PRKAR1B: variants seen among roughly 807,000 people sequenced by gnomAD.
The protein encoded by PRKAR1B is protein kinase cAMP-dependent type I regulatory subunit beta, also known as cAMP-dependent protein kinase type I-beta regulatory subunit.
A neutral mutation model predicts 46.5 loss-of-function variants in PRKAR1B; 22 were observed. That is an observed-to-expected ratio of 0.47 (90% CI 0.34 to 0.68). PRKAR1B has a LOEUF of 0.68. PRKAR1B is among the 30% of genes least tolerant of loss of function. The pLI, the probability that PRKAR1B is intolerant of heterozygous loss-of-function variation, is 0.01. For missense variants in PRKAR1B, 445 were observed against 535.6 expected, an observed-to-expected ratio of 0.83 and a Z score of 1.67; for synonymous variants, 259 against 217.7, an observed-to-expected ratio of 1.19 and a Z score of -1.67.
intron 9 of PRKAR1B, among the ~76,000 whole-genome samples, chr7:554,422 A>G (rs2128420427): frequency 6.6e-6 from 1 of 152,290 alleles, no homozygotes; most frequent in East Asian, 1.9e-4. Flanking sequence ...AGCTGGGATT[A>G]TTTTCCTCTC....
intron 9 of PRKAR1B, chr7:565,480 T>G (rs1038703309): frequency 1.3e-5 from 2 of 152,204 alleles, no homozygotes; most frequent in African/African-American, 4.8e-5. Context: ...CCGCACCAGC[T>G]CCTTGGACAC....
upstream of PRKAR1B, among the ~76,000 whole-genome samples, chr7:727,812 C>G (rs1781409135): frequency 6.7e-6 from 1 of 148,196 alleles, no homozygotes; most frequent in South Asian, 2.2e-4. Flanking sequence ...ACCCTCCTCC[C>G]TGCCTGAGCC....
At chr7:564,560 C>G (rs917399068) in intron 9 of PRKAR1B, among the ~76,000 whole-genome samples, 1 of 152,224 alleles carries the variant, frequency 6.6e-6, no homozygotes, top group Non-Finnish European at 1.5e-5. Flanking sequence ...GCATTCAGGC[C>G]CTCGACTCCA....
rs574416959 is a variant in PRKAR1B at position 578,007 on chromosome 7, G to A, written c.891+1249C>T. On this transcript the variant is annotated intron_variant, in intron 9 of 10. Coordinates refer to ENST00000537384, the MANE Select transcript of PRKAR1B (RefSeq NM_001164760.2). ...CTGGTTAAGGGTGGTAATTTTCCGG[G>A]TCATCAGACCACATTGCCATGGAAA... is the stretch of plus-strand genomic sequence containing the variant. 5.5e-4 allele frequency among the ~76,000 whole-genome samples: 84 copies of A among 152,358 alleles called. 1 individual carries two copies. Among genetic ancestry groups the A allele is most frequent in the African/African-American group, 1.9e-3 (77 of 41,570 alleles).
At chr7:660,795 A>G (rs1440087272) in intron 4 of PRKAR1B, among the ~76,000 whole-genome samples, 6 of 73,138 alleles carry the variant, frequency 8.2e-5, no homozygotes, top group Admixed American at 1.4e-4. Flanking sequence ...ACCCCAACAG[A>G]TGCAAATACC....
chr7:612,396 A>AATG, intron 4 of PRKAR1B, among the ~76,000 whole-genome samples: 1 of 140,724 alleles, frequency 7.1e-6, no homozygotes, highest in Non-Finnish European at 1.5e-5. Flanking sequence ...GTGGATGGAT[A>AATG]GATGGATGGA....
At chr7:601,093 T>C (rs1369523670) in intron 6 of PRKAR1B, among the ~76,000 whole-genome samples, 4 of 152,146 alleles carry the variant, frequency 2.6e-5, no homozygotes, top group African/African-American at 9.7e-5. Context: ...TCTGCTGGCT[T>C]AAAGGGCCAG....
At position 550,485 on chromosome 7, in the gene PRKAR1B, T is replaced by C; in HGVS notation, c.1091A>G (p.Glu364Gly). Residue 364 changes from glutamate (E) to glycine (G), a missense_variant, in exon 11 of 11, where the codon GAG (glutamate) becomes GGG (glycine). Around this residue, in one of 5 missense-constraint regions of PRKAR1B, gnomAD observed 127 missense variants for 138.0 expected, o/e 0.92. Coordinates refer to ENST00000537384, the MANE Select transcript of PRKAR1B (RefSeq NM_001164760.2). ...RFERVLGPCS[E>G]ILKRNIQRYN... is the part of the protein sequence containing the mutation. ...ACGCTGAATGTTCCTCTTGAGGATC[T>C]CAGAGCAGGGCCCCAGCACACGCTC... 6.3e-7 allele frequency: 1 copy of C among 1,598,996 alleles called. No homozygotes were observed. Among genetic ancestry groups the C allele is most frequent in the Non-Finnish European group, 8.5e-7 (1 of 1,173,368 alleles).
At chr7:592,077 G>A (rs1781006960) in intron 7 of PRKAR1B, among the ~76,000 whole-genome samples, 1 of 152,150 alleles carries the variant, frequency 6.6e-6, no homozygotes, top group African/African-American at 2.4e-5. Context: ...CTCCCACCAG[G>A]GCCTCCGTGA....
chr7:677,747 A>G (rs996354314), intron 3 of PRKAR1B, among the ~76,000 whole-genome samples: 11 of 152,188 alleles, frequency 7.2e-5, no homozygotes, highest in African/African-American at 2.4e-4. Flanking sequence ...TTTGAAATGC[A>G]GTCACGTGTC....
intron 9 of PRKAR1B, among the ~76,000 whole-genome samples, chr7:569,246 T>C (rs1779357496): frequency 6.6e-6 from 1 of 152,152 alleles, no homozygotes; most frequent in Non-Finnish European, 1.5e-5. Context: ...ACCCTGAGCG[T>C]GAGCTGACCA....
At chr7:643,110 C>A (rs1784470414) in intron 4 of PRKAR1B, among the ~76,000 whole-genome samples, 1 of 151,602 alleles carries the variant, frequency 6.6e-6, no homozygotes, top group Admixed American at 6.6e-5. Context: ...GCTATAATTA[C>A]CTTGAAAATA....
At chr7:633,747 G>C (rs972983548) in intron 4 of PRKAR1B, among the ~76,000 whole-genome samples, 3 of 152,052 alleles carry the variant, frequency 2.0e-5, no homozygotes, top group Non-Finnish European at 4.4e-5. Flanking sequence ...GTGATTTAAA[G>C]GAGCTGCCCA....
At chr7:629,148 C>A (rs573938252) in intron 4 of PRKAR1B, among the ~76,000 whole-genome samples, 1 of 152,362 alleles carries the variant, frequency 6.6e-6, no homozygotes, top group African/African-American at 2.4e-5. Flanking sequence ...GGACAGGGCA[C>A]GTTTTCCAGA....
chr7:582,943 A>G (rs1371563845), intron 8 of PRKAR1B, among the ~76,000 whole-genome samples: 1 of 152,234 alleles, frequency 6.6e-6, no homozygotes, highest in Non-Finnish European at 1.5e-5. Flanking sequence ...CATTTTCAAA[A>G]TGGCACTAGA....
At chr7:693,150 G>A (rs1046538136) in intron 2 of PRKAR1B, among the ~76,000 whole-genome samples, 1 of 151,746 alleles carries the variant, frequency 6.6e-6, no homozygotes, top group East Asian at 1.9e-4. Context: ...GGCCAAGCTG[G>A]TCTCGAACTC....
chr7:722,472 G>A (rs1781108727), intron 1 of PRKAR1B, among the ~76,000 whole-genome samples: 1 of 151,878 alleles, frequency 6.6e-6, no homozygotes, highest in Non-Finnish European at 1.5e-5. Context: ...CCTGACCACA[G>A]GTGATCTGCC....
chr7:627,214 T>A (rs1783453709), intron 4 of PRKAR1B, among the ~76,000 whole-genome samples: 1 of 152,084 alleles, frequency 6.6e-6, no homozygotes, highest in Non-Finnish European at 1.5e-5. Context: ...GGTCTCAAAC[T>A]CCTGGGCTCA....
At position 618,450 on chromosome 7, in the gene PRKAR1B, C is replaced by T. The variant is rs1017935463; in HGVS notation, c.441-10998G>A. Among the ~76,000 whole-genome samples the T allele has an allele frequency of 2.2e-4, 34 of 152,282 alleles. 1 individual carries two copies. The highest frequency in any genetic ancestry group is 6.3e-4 in the African/African-American group (26 of 41,556). On this transcript the variant is annotated intron_variant, in intron 4 of 10. Coordinates refer to ENST00000537384, the MANE Select transcript of PRKAR1B (RefSeq NM_001164760.2). The stretch of plus-strand genomic sequence containing the variant: ...ATAAGATACTTGAGGTCTCCCCTCT[C>T]GTTTGTATGTTTTCTCTTAAAACAT...
Sources: allele counts gnomAD v4.1 joint callset (sites outside exome capture counted in the v4.1 genomes callset), GRCh38; gene constraint gnomAD v4.1.1; regional missense constraint gnomAD v4.1.1; transcripts MANE v1.5; gene names NCBI Gene and HGNC (gene_info 2026-07-23, HGNC 2026-07-21).